TOX2: variants seen among roughly 807,000 people sequenced by gnomAD.
TOX2 encodes the protein TOX high mobility group box family member 2.
In TOX2, 15 loss-of-function variants were observed where a neutral mutation model predicts 47.4. That is an observed-to-expected ratio of 0.32 (90% CI 0.21 to 0.49). The LOEUF is 0.49. TOX2 is among the 20% of genes least tolerant of loss of function. The probability of loss-of-function intolerance (pLI) is 0.99; values close to 1 mark genes in which losing one functional copy is unlikely to be tolerated. For missense variants in TOX2, 622 were observed against 673.1 expected, an observed-to-expected ratio of 0.92 and a Z score of 0.84; for synonymous variants, 290 against 296.6, an observed-to-expected ratio of 0.98 and a Z score of 0.23.
At chr20:44,067,039 T>C (rs114406442) in intron 8 of TOX2, among the ~76,000 whole-genome samples, 182 bp downstream of exon 8, 3 of 152,326 alleles carry the variant, frequency 2.0e-5, no homozygotes, top group African/African-American at 7.2e-5. Flanking sequence ...GGAAGGACTC[T>C]GCTGGCCTGA....
chr20:44,049,432 T>A (rs1195292099), intron 3 of TOX2, among the ~76,000 whole-genome samples: 1 of 152,222 alleles, frequency 6.6e-6, no homozygotes, highest in Non-Finnish European at 1.5e-5. Flanking sequence ...TTACTGGAAA[T>A]TGTAGCCAAA....
At chr20:44,029,654 A>T (rs958358380) in intron 3 of TOX2, among the ~76,000 whole-genome samples, 1 of 152,124 alleles carries the variant, frequency 6.6e-6, no homozygotes, top group Non-Finnish European at 1.5e-5. Flanking sequence ...CCCATGGGGA[A>T]TTGCTGTGAT....
chr20:44,025,106 A>G (rs1170707296), intron 3 of TOX2, among the ~76,000 whole-genome samples: 1 of 152,204 alleles, frequency 6.6e-6, no homozygotes, highest in Non-Finnish European at 1.5e-5. Flanking sequence ...TTTCTATTAT[A>G]AACTCTCTTG....
intron 2 of TOX2, among the ~76,000 whole-genome samples, chr20:43,996,411 C>T (rs1185175843): frequency 1.3e-5 from 2 of 152,162 alleles, no homozygotes; most frequent in African/African-American, 2.4e-5. Flanking sequence ...GAACAAGAGG[C>T]GTGGAGCAGG....
At chr20:43,975,053 A>G (rs1194158804) in intron 2 of TOX2, among the ~76,000 whole-genome samples, 2 of 152,252 alleles carry the variant, frequency 1.3e-5, no homozygotes, top group Non-Finnish European at 2.9e-5. Flanking sequence ...GTCTCATCTC[A>G]GCAGACCAGA....
In TOX2 at chr20:43,951,707, GTTTTT is replaced by G. The variant is rs59829203; in HGVS notation, c.100-21643_100-21639del. On this transcript the variant is annotated intron_variant, in intron 1 of 8. Coordinates refer to ENST00000341197, the MANE Select transcript of TOX2 (RefSeq NM_001098797.2). ...TGACCATTACTATTAAACTTATTAT[GTTTTT>G]TTTTTTTTTTTTTTTTAGAGAAAGG... Among the ~76,000 whole-genome samples, 273 of 55,094 alleles carry G rather than the reference GTTTTT, an allele frequency of 5.0e-3. 11 individuals are homozygous for G. Among genetic ancestry groups the G allele is most frequent in the African/African-American group, 0.014 (261 of 18,510 alleles). 36.1% of individuals were successfully genotyped at this position (55,094 alleles called of 152,430 possible).
chr20:43,944,592 C>T (rs1237608672), intron 1 of TOX2, among the ~76,000 whole-genome samples: 1 of 152,112 alleles, frequency 6.6e-6, no homozygotes, highest in African/African-American at 2.4e-5. Flanking sequence ...GCACCAGCCC[C>T]CTTTATCACA....
intron 1 of TOX2, among the ~76,000 whole-genome samples, chr20:43,944,655 A>G (rs2069442264): frequency 6.6e-6 from 1 of 152,150 alleles, no homozygotes; most frequent in Non-Finnish European, 1.5e-5. Context: ...TAGTATTGTT[A>G]CAAGTGTTCA....
chr20:44,064,788 G>A lies in TOX2; in HGVS notation c.891G>A (p.Arg297=), dbSNP rs774388279. 2.5e-6 allele frequency: 4 copies of A among 1,614,166 alleles called. No individual in the cohort carries two copies. The East Asian group carries it at 8.9e-5, about 36-fold the overall frequency. Reference sequence around the variant, plus strand: ...GTTGACTCTTCCAGGCCTACAAGAGGAAGACAGAAGCAGCAAAGAAGGAAT... The same window carrying A: ...GTTGACTCTTCCAGGCCTACAAGAGAAAGACAGAAGCAGCAAAGAAGGAAT... ...LGEEQKQAYK[R]KTEAAKKEYL... is the part of the protein sequence containing the mutation. Residue 297 remains arginine (R), a synonymous_variant, in exon 6 of 9, where the codon AGG becomes AGA. Transcript: ENST00000341197.
chr20:44,055,498 G>A (rs1449206565), intron 5 of TOX2, among the ~76,000 whole-genome samples: 1 of 152,188 alleles, frequency 6.6e-6, no homozygotes, highest in East Asian at 1.9e-4. Flanking sequence ...GGCCAGAGAG[G>A]AGACAATAAG....
intron 5 of TOX2, among the ~76,000 whole-genome samples, chr20:44,056,580 G>A (rs559824939): frequency 2.0e-5 from 3 of 152,196 alleles, no homozygotes; most frequent in South Asian, 2.1e-4. Flanking sequence ...CCCCTGTGTC[G>A]GTTTCATTTC....
chr20:44,005,676 A>C (rs1273820105), intron 2 of TOX2, among the ~76,000 whole-genome samples: 3 of 152,214 alleles, frequency 2.0e-5, no homozygotes, highest in Non-Finnish European at 4.4e-5. Context: ...TAAAGGAGAA[A>C]GGTCATTTGA....
Position 44,043,070 on chromosome 20 carries a change from G to A in TOX2, c.412-8236G>A, listed in dbSNP as rs78889094. On this transcript the variant is annotated intron_variant, in intron 3 of 8. Transcript: ENST00000341197. ...GGGAAGAGCTCCATTTGCAGCATGT[G>A]AAGTTTTATATGCTTGCGGGGCATC... 4.2e-3 allele frequency among the ~76,000 whole-genome samples: 645 copies of A among 152,346 alleles called. 3 individuals carry two copies. The highest frequency in any genetic ancestry group is 0.015 in the African/African-American group (608 of 41,584).
chr20:44,056,442 G>T (rs927291918), intron 5 of TOX2, among the ~76,000 whole-genome samples: 1 of 152,158 alleles, frequency 6.6e-6, no homozygotes, highest in Non-Finnish European at 1.5e-5. Flanking sequence ...GGATTTCCTT[G>T]CCGTTTTATA....
intron 2 of TOX2, among the ~76,000 whole-genome samples, chr20:43,997,302 G>C (rs1293050336): frequency 6.6e-6 from 1 of 152,132 alleles, no homozygotes; most frequent in Non-Finnish European, 1.5e-5. Flanking sequence ...ACATAGCTTT[G>C]AAATATATGA....
intron 3 of TOX2, among the ~76,000 whole-genome samples, chr20:44,027,852 C>T (rs1301056793): frequency 2.6e-5 from 4 of 152,110 alleles, no homozygotes; most frequent in Non-Finnish European, 4.4e-5. Flanking sequence ...TCAAATGCTT[C>T]GAGGTGGAGG....
chr20:43,940,514 G>T (rs2069389159), intron 1 of TOX2, among the ~76,000 whole-genome samples: 1 of 148,646 alleles, frequency 6.7e-6, no homozygotes, highest in African/African-American at 2.6e-5. Context: ...GTGAGCAATC[G>T]CACCTGGCAA....
At chr20:44,031,636 G>T (rs1275794004) in intron 3 of TOX2, among the ~76,000 whole-genome samples, 2 of 152,140 alleles carry the variant, frequency 1.3e-5, no homozygotes, top group African/African-American at 2.4e-5. Flanking sequence ...CATGTGGCCT[G>T]TGGGAGTTAC....
At chr20:44,015,524 C>T (rs1208316831) in intron 3 of TOX2, among the ~76,000 whole-genome samples, 3 of 152,066 alleles carry the variant, frequency 2.0e-5, no homozygotes, top group Admixed American at 6.6e-5. Context: ...AAAAGCTAAG[C>T]TAATAAAAGC....
Sources: allele counts gnomAD v4.1 joint callset (sites outside exome capture counted in the v4.1 genomes callset), GRCh38; gene constraint gnomAD v4.1.1; transcripts MANE v1.5; gene names NCBI Gene and HGNC (gene_info 2026-07-23, HGNC 2026-07-21).